Variants in C3 observed in about 807,000 individuals in gnomAD.
C3 encodes complement C3, also known as C3 and PZP-like alpha-2-macroglobulin domain-containing protein 1.
Under a neutral mutation model 207.9 loss-of-function variants are expected in C3, and 97 were observed. The observed-to-expected ratio is 0.47, with a 90% CI of 0.40 to 0.55. The LOEUF (loss-of-function observed/expected upper bound fraction) is 0.55, where lower values mean the gene tolerates loss of function less well. Among genes scored for constraint, C3 ranks in the 20% least tolerant of loss-of-function variants. C3 has a pLI of 0.00. For missense variants in C3, 1,684 were observed against 2,171.7 expected (o/e 0.78, Z 4.46); for synonymous variants, 848 against 857.6 (o/e 0.99, Z 0.20).
In C3 at chr19:6,684,586, A is replaced by G. The variant is rs770021787; in HGVS notation, c.4094T>C (p.Val1365Ala). ...QLTCNKFDLK[V>A]TIKPAPETEK... ...TGTTTCCGGTGCTGGTTTTATGGTG[A>G]CCTTGAGGTCGAATTTATTACAGGT... The change falls in exon 32 of 41, where the codon GTC (valine) becomes GCC (alanine). Residue 1365 changes from valine (V) to alanine (A), a missense_variant. Around this residue, in one of 3 missense-constraint regions of C3, gnomAD observed 346 missense variants for 380.1 expected, o/e 0.91. Coordinates refer to ENST00000245907, the MANE Select transcript of C3 (RefSeq NM_000064.4). 3 of 1,613,882 alleles carry G rather than the reference A, an allele frequency of 1.9e-6. No homozygotes were observed. The highest frequency in any genetic ancestry group is 1.7e-6 in the Non-Finnish European group (2 of 1,179,924).
Position 6,697,434 on chromosome 19 carries a change from C to A in C3, c.2706G>T (p.Pro902=), listed in dbSNP as rs769080198. 6.2e-7 allele frequency: 1 copy of A among 1,613,792 alleles called. No homozygotes were observed. Among genetic ancestry groups the A allele is most frequent in the South Asian group, 1.1e-5 (1 of 91,050 alleles). ...CCACTTCCTGCAGGCCGGTCTTTAGCGGCACGATGACATATGGAACGGACA... is the reference window on the plus strand; with the variant it reads ...CCACTTCCTGCAGGCCGGTCTTTAGAGGCACGATGACATATGGAACGGACA... ...SSLSVPYVIV[P]LKTGLQEVEV... is the part of the protein sequence containing the mutation. Residue 902 remains proline (P), a synonymous_variant, in exon 21 of 41, where the codon CCG becomes CCT. Transcript: ENST00000245907.
chr19:6,689,367 C>T lies in C3; in HGVS notation c.3489+1262G>A, dbSNP rs1345431815. Among the ~76,000 whole-genome samples the T allele has an allele frequency of 1.9e-4, 24 of 129,076 alleles. 1 individual carries two copies. Among genetic ancestry groups the T allele is most frequent in the African/African-American group, 7.8e-4 (24 of 30,766 alleles). The allele number at this position is 129,076 out of a possible 152,430, so 84.7% of individuals were successfully genotyped here. ...TCCCTCCCTCCCTCCCTCCCTCTCTCTCTCTCTCTCTCTCTCTCTCTGCCT... is the reference window on the plus strand; with the variant it reads ...TCCCTCCCTCCCTCCCTCCCTCTCTTTCTCTCTCTCTCTCTCTCTCTGCCT... On this transcript the variant is annotated intron_variant, in intron 27 of 40. Coordinates refer to ENST00000245907, the MANE Select transcript of C3 (RefSeq NM_000064.4).
intron 19 of C3, among the ~76,000 whole-genome samples, chr19:6,700,217 C>CATATATAATATATGTAATATACA (rs1333348972): frequency 2.6e-5 from 3 of 115,380 alleles, no homozygotes; most frequent in African/African-American, 9.3e-5. Flanking sequence ...GTATATATTA[C>CATATATAATATATGTAATATACA]ATATATATTA....
rs1271457074 is a variant in C3, at chr19:6,709,708, C to A, written c.1821G>T (p.Lys607Asn). 1.2e-6 allele frequency: 2 copies of A among 1,608,434 alleles called. No homozygotes were observed. The highest frequency in any genetic ancestry group is 1.3e-5 in the African/African-American group (1 of 74,428). Residue 607 changes from lysine to asparagine, a missense_variant, in exon 14 of 41, where the codon AAG (lysine) becomes AAT (asparagine). Lys to Asn is a moderately conservative substitution (Grantham distance 94). Coordinates refer to ENST00000245907, the MANE Select transcript of C3 (RefSeq NM_000064.4). ...CCTTACTCTGCGTCAGTTTGTTCTT[C>A]TTATTCAGCACGAACACGCCCTTGT... ...AVDKGVFVLN[K>N]KNKLTQSKIW...
chr19:6,703,942 C>G (rs1599516301), intron 17 of C3, among the ~76,000 whole-genome samples: 1 of 150,586 alleles, frequency 6.6e-6, no homozygotes, highest in Admixed American at 6.6e-5. Context: ...GCGAGACTCC[C>G]TCTCAAACAA....
In C3 at chr19:6,684,413, T is replaced by G. The variant is rs1304682808; in HGVS notation, c.4147A>C (p.Thr1383Pro). The change falls in exon 33 of 41, where the codon ACT becomes CCT. Residue 1383 changes from threonine to proline, a missense_variant. Coordinates refer to ENST00000245907, the MANE Select transcript of C3 (RefSeq NM_000064.4). ...TEKRPQDAKN[T>P]MILEICTRYR... ...CTGGTACAGATCTCAAGGATCATAG[T>G]GTTCTTGGCATCCTGAGGCCTCTTT... The G allele has an allele frequency of 1.2e-6, 2 of 1,614,018 alleles. No individual in the cohort carries two copies. The highest frequency in any genetic ancestry group is 2.2e-5 in the South Asian group (2 of 91,074).
chr19:6,696,959 G>A (rs1967545773), intron 21 of C3, among the ~76,000 whole-genome samples: 2 of 151,108 alleles, frequency 1.3e-5, no homozygotes, highest in South Asian at 2.1e-4. Context: ...GGAGGATGGC[G>A]TGAACCCGGG....
intron 25 of C3, 91 bp downstream of exon 25, chr19:6,693,321 G>A: frequency 7.4e-7 from 1 of 1,345,926 alleles, no homozygotes; most frequent in Non-Finnish European, 1.0e-6. Context: ...GGCAAGGCTG[G>A]CCTAAGGGAC....
rs757833498 is a variant in C3 at position 6,719,310 on chromosome 19, A to G, written c.168T>C (p.Thr56=). The change falls in exon 2 of 41, where the codon ACT becomes ACC. Residue 56 remains threonine (T), a synonymous_variant. Transcript: ENST00000245907. The surrounding 1 kb of genome is among the most constrained non-coding windows in gnomAD (Gnocchi z 5.4). ...TGCCTGGGAAGTCGTGGACAGTAAC[A>G]GTGACTGGAACATCCCCTTGCGCGT... The part of the protein sequence containing the change: ...AHDAQGDVPV[T]VTVHDFPGKK... 6 of 1,613,908 alleles carry G rather than the reference A, an allele frequency of 3.7e-6. No homozygotes were observed. The Admixed American group carries it at 8.3e-5, about 22-fold the overall frequency.
In C3 at chr19:6,678,422, G is replaced by C. The variant is rs750559710; in HGVS notation, c.4664C>G (p.Ser1555Cys). 22 of 1,614,036 alleles carry C rather than the reference G, an allele frequency of 1.4e-5. No homozygotes were observed. The highest frequency in any genetic ancestry group is 1.9e-5 in the Non-Finnish European group (22 of 1,180,024). Residue 1555 changes from serine to cysteine, a missense_variant, in exon 39 of 41, where the codon TCC becomes TGC. Ser to Cys is a moderately radical substitution (Grantham distance 112, BLOSUM62 -1). Coordinates refer to ENST00000245907, the MANE Select transcript of C3 (RefSeq NM_000064.4). The stretch of plus-strand genomic sequence containing the variant: ...CATGATGTACTCGTCAAAGTCATTG[G>C]ACAGCTGAACCTTGACCAGTCGGGT... The part of the protein sequence containing the change: ...YKTRLVKVQL[S>C]NDFDEYIMAI...
At chr19:6,696,784 G>A in intron 21 of C3, 125 bp from the exon 22 acceptor site, 1 of 878,632 alleles carries the variant, frequency 1.1e-6, no homozygotes, top group Non-Finnish European at 1.9e-6. Flanking sequence ...GCTCGTGCCT[G>A]TGATCCTAGC....
chr19:6,714,033 G>A lies in C3; in HGVS notation c.732C>T (p.Tyr244=). ...CCTCCAGGCCCTTCTCGTTATAGAT[G>A]TAGTAGAATTTCTCTGTAGGCTCCA... ...VIVEPTEKFY[Y]IYNEKGLEVT... Residue 244 remains tyrosine, a synonymous_variant, in exon 7 of 41, where the codon TAC becomes TAT. Transcript: ENST00000245907. The A allele has an allele frequency of 3.1e-6, 5 of 1,611,432 alleles. No individual in the cohort carries two copies. Among genetic ancestry groups the A allele is most frequent in the Non-Finnish European group, 3.4e-6 (4 of 1,179,362 alleles).
At chr19:6,697,865 G>C (rs906222211) in intron 19 of C3, 71 bp from the exon 20 acceptor site, 2 of 1,495,310 alleles carry the variant, frequency 1.3e-6, no homozygotes, top group African/African-American at 1.4e-5. Flanking sequence ...CTGGGTCTCA[G>C]CTCTTAGTCC....
chr19:6,693,121 G>A (rs777814722), intron 25 of C3, 38 bp from the exon 26 acceptor site: 18 of 1,609,184 alleles, frequency 1.1e-5, no homozygotes, highest in African/African-American at 1.3e-5. Context: ...TCGGCTCTGA[G>A]ATCCAGAGAC....
chr19:6,711,367 T>C (rs1300172211), intron 11 of C3, among the ~76,000 whole-genome samples, 171 bp from the exon 12 acceptor site: 1 of 152,080 alleles, frequency 6.6e-6, no homozygotes, highest in East Asian at 1.9e-4. Flanking sequence ...GTGGAGCTAA[T>C]GTAATCATAA....
At chr19:6,705,368 G>T in intron 17 of C3, among the ~76,000 whole-genome samples, 2 of 147,118 alleles carry the variant, frequency 1.4e-5, no homozygotes, top group Non-Finnish European at 1.5e-5. Context: ...TTTGAGACAG[G>T]GTCTTGCTCT....
rs11569444 is a variant in C3, at chr19:6,704,031, G to A, written c.2246-1452C>T. Among the ~76,000 whole-genome samples, 1,152 of 152,190 alleles carry A rather than the reference G, an allele frequency of 7.6e-3. 14 individuals are homozygous for A. Among genetic ancestry groups the A allele is most frequent in the African/African-American group, 0.025 (1,053 of 41,508 alleles). ...CTGGATGTGGTGCTATCATCCCAGC[G>A]CTCTGAGAGGCCAAGGTGGGAGGAT... On this transcript the variant is annotated intron_variant, in intron 17 of 40. Transcript: ENST00000245907.
Position 6,686,610 on chromosome 19 carries a change from C to G in C3, c.3646+136G>C. 4.1e-6 allele frequency: 4 copies of G among 981,244 alleles called. No individual in the cohort carries two copies. The South Asian group carries it at 5.2e-5, about 13-fold the overall frequency. The allele number at this position is 981,244 out of a possible 1,614,324, so 60.8% of individuals were successfully genotyped here. The stretch of plus-strand genomic sequence containing the variant: ...CAGGGTTATGCATCCCAGCTTGATA[C>G]CTTAGGACTATCCATCTCAGCTTGG... On this transcript the variant is annotated intron_variant, in intron 28 of 40. Coordinates refer to ENST00000245907, the MANE Select transcript of C3 (RefSeq NM_000064.4).
chr19:6,711,112 A>G lies in C3; in HGVS notation c.1354T>C (p.Ser452Pro). 2.5e-6 allele frequency: 4 copies of G among 1,613,912 alleles called. No homozygotes were observed. The highest frequency in any genetic ancestry group is 2.5e-6 in the Non-Finnish European group (3 of 1,179,954). Residue 452 changes from serine to proline, a missense_variant, in exon 12 of 41, where the codon TCC becomes CCC. By Grantham distance (74) the Ser-to-Pro change is moderately conservative (BLOSUM62 -1). Transcript: ENST00000245907. ...QALPYSTVGN[S>P]NNYLHLSVLR... is the part of the protein sequence containing the mutation. ...ACTGAGAGATGCAGGTAATTGTTGG[A>G]GTTGCCCACGGTGCTGTAGGGCAGA... is the stretch of plus-strand genomic sequence containing the variant.
Sources: allele counts gnomAD v4.1 joint callset (sites outside exome capture counted in the v4.1 genomes callset), GRCh38; gene constraint gnomAD v4.1.1; regional missense constraint gnomAD v4.1.1; non-coding constraint Gnocchi (gnomAD v3.1); transcripts MANE v1.5; gene names NCBI Gene and HGNC (gene_info 2026-07-23, HGNC 2026-07-21).